FUT9: variants seen among roughly 807,000 people sequenced by gnomAD.
FUT9 encodes the protein 4-galactosyl-N-acetylglucosaminide 3-alpha-L-fucosyltransferase 9.
A neutral mutation model predicts 29.7 loss-of-function variants in FUT9; 15 were observed. The ratio of observed to expected loss-of-function variants is 0.51; its 90% CI spans 0.34 to 0.78. FUT9 has a LOEUF of 0.78. Ranked by LOEUF, FUT9 falls within the 30% of genes least tolerant of loss-of-function variation. The probability of loss-of-function intolerance (pLI) is 0.01; values close to 1 mark genes in which losing one functional copy is unlikely to be tolerated. For missense variants in FUT9, 319 were observed against 425.4 expected (o/e 0.75, Z 2.20); for synonymous variants, 169 against 153.7 (o/e 1.10, Z -0.74).
chr6:96,088,578 G>GCA (rs1771361094), intron 1 of FUT9, among the ~76,000 whole-genome samples: 1 of 150,544 alleles, frequency 6.6e-6, no homozygotes, highest in African/African-American at 2.4e-5. Context: ...GCGTGCGCGC[G>GCA]CGTGCTCCAT....
chr6:96,024,993 C>T (rs769237328), intron 1 of FUT9, among the ~76,000 whole-genome samples: 4 of 151,850 alleles, frequency 2.6e-5, no homozygotes, highest in African/African-American at 4.8e-5. Flanking sequence ...AAGGTTGGCA[C>T]GAAGGCGAGA....
chr6:96,055,410 G>A (rs1169817523), intron 1 of FUT9, among the ~76,000 whole-genome samples: 1 of 148,522 alleles, frequency 6.7e-6, no homozygotes, highest in Admixed American at 6.7e-5. Flanking sequence ...CGTTTTTCCT[G>A]TTTGAAAACC....
At chr6:96,146,662 A>C (rs2127975153) in intron 2 of FUT9, among the ~76,000 whole-genome samples, 1 of 152,374 alleles carries the variant, frequency 6.6e-6, no homozygotes, top group East Asian at 1.9e-4. Flanking sequence ...GCAAAGGGAT[A>C]TCTCCAAATT....
chr6:96,175,514 T>G (rs943918915), intron 2 of FUT9, among the ~76,000 whole-genome samples: 7 of 152,232 alleles, frequency 4.6e-5, no homozygotes, highest in Non-Finnish European at 1.0e-4. Context: ...ACCTATTCGG[T>G]GGCTAGCTGT....
At chr6:96,044,387 C>T (rs1270600152) in intron 1 of FUT9, among the ~76,000 whole-genome samples, 2 of 152,166 alleles carry the variant, frequency 1.3e-5, no homozygotes, top group African/African-American at 4.8e-5. Context: ...TACAATTGCT[C>T]AGATTTGAGG....
chr6:96,173,993 G>T (rs1052441487), intron 2 of FUT9, among the ~76,000 whole-genome samples: 3 of 152,062 alleles, frequency 2.0e-5, no homozygotes, highest in African/African-American at 7.2e-5. Context: ...TTTATTATAT[G>T]AATCAAGATT....
At chr6:96,189,837 T>C (rs1394875592) in intron 2 of FUT9, among the ~76,000 whole-genome samples, 1 of 152,176 alleles carries the variant, frequency 6.6e-6, no homozygotes, top group Admixed American at 6.5e-5. Flanking sequence ...TACAGCACAC[T>C]CATGGGTCTT....
chr6:96,129,373 G>C (rs141716372), intron 2 of FUT9, among the ~76,000 whole-genome samples: 2 of 151,164 alleles, frequency 1.3e-5, no homozygotes, highest in African/African-American at 4.9e-5. Flanking sequence ...CCTAAGCCCA[G>C]AAAGTTCGAG....
intron 1 of FUT9, among the ~76,000 whole-genome samples, chr6:96,108,385 C>T (rs1201668038): frequency 2.0e-5 from 3 of 152,148 alleles, no homozygotes; most frequent in Non-Finnish European, 2.9e-5. Flanking sequence ...GGACAAATTG[C>T]TTAACCTCTC....
intron 2 of FUT9, among the ~76,000 whole-genome samples, chr6:96,138,996 C>T (rs1772411293): frequency 6.6e-6 from 1 of 152,000 alleles, no homozygotes; most frequent in African/African-American, 2.4e-5. Context: ...TCAATTTAAT[C>T]TCCATGTTTT....
Position 96,203,809 on chromosome 6 carries a change from C to T in FUT9, c.654C>T (p.Tyr218=), listed in dbSNP as rs375887169. The T allele has an allele frequency of 3.1e-5, 50 of 1,612,512 alleles. No homozygotes were observed. In the East Asian group the frequency reaches 3.8e-4, roughly 12 times the overall value. The change falls in exon 3 of 3, where the codon TAC becomes TAT. Residue 218 remains tyrosine (Y), a synonymous_variant. Transcript: ENST00000302103. ...ELSKSIEIHT[Y]GQAFGEYVND... ...GCAAAAGCATTGAAATCCATACCTA[C>T]GGGCAAGCATTTGGAGAATATGTCA...
chr6:96,148,268 A>G (rs1430418259), intron 2 of FUT9, among the ~76,000 whole-genome samples: 1 of 152,148 alleles, frequency 6.6e-6, no homozygotes, highest in East Asian at 1.9e-4. Flanking sequence ...TCAGATTCCA[A>G]CCTACAGAAT....
At chr6:96,148,473 C>T (rs190126760) in intron 2 of FUT9, among the ~76,000 whole-genome samples, 9 of 152,158 alleles carry the variant, frequency 5.9e-5, no homozygotes, top group African/African-American at 1.9e-4. Context: ...TTTACAGTTT[C>T]GCTTTCAGTA....
intron 2 of FUT9, among the ~76,000 whole-genome samples, chr6:96,198,338 A>G (rs1329766048): frequency 1.3e-5 from 2 of 150,404 alleles, no homozygotes; most frequent in Non-Finnish European, 2.9e-5. Flanking sequence ...TCATTGTTCA[A>G]TTCCCATCTA....
intron 2 of FUT9, among the ~76,000 whole-genome samples, chr6:96,119,882 C>T (rs1034315785): frequency 2.0e-5 from 3 of 151,990 alleles, no homozygotes; most frequent in African/African-American, 7.3e-5. Context: ...CTTTACTAGG[C>T]TATTTGAGGA....
chr6:96,191,288 G>A (rs192967081), intron 2 of FUT9, among the ~76,000 whole-genome samples: 410 of 152,170 alleles, frequency 2.7e-3, no homozygotes, highest in Middle Eastern at 0.01. Flanking sequence ...AATGAATCCA[G>A]GAGCTAGTTT....
At chr6:96,083,004 A>G (rs200061984) in intron 1 of FUT9, among the ~76,000 whole-genome samples, 1 of 152,048 alleles carries the variant, frequency 6.6e-6, no homozygotes, top group Non-Finnish European at 1.5e-5. Context: ...CTGGAAAATG[A>G]CAGTAGCTTT....
intron 2 of FUT9, among the ~76,000 whole-genome samples, chr6:96,153,432 C>A (rs1462271307): frequency 6.6e-6 from 1 of 151,668 alleles, no homozygotes; most frequent in Non-Finnish European, 1.5e-5. Flanking sequence ...ACTAACACTT[C>A]TTCTAAGTGT....
intron 1 of FUT9, among the ~76,000 whole-genome samples, chr6:96,103,374 C>A (rs767823300): frequency 2.6e-5 from 4 of 151,974 alleles, no homozygotes; most frequent in Non-Finnish European, 5.9e-5. Context: ...ACCGTTACCT[C>A]AACTACTCTC....
Sources: allele counts gnomAD v4.1 joint callset (sites outside exome capture counted in the v4.1 genomes callset), GRCh38; gene constraint gnomAD v4.1.1; transcripts MANE v1.5; gene names NCBI Gene and HGNC (gene_info 2026-07-23, HGNC 2026-07-21).